Variants in ELP4 observed in about 807,000 individuals in gnomAD.
ELP4 encodes elongator complex protein 4.
In ELP4, 51 loss-of-function variants were observed where a neutral mutation model predicts 48.9. The observed-to-expected ratio is 1.04, with a 90% CI of 0.83 to 1.32. The LOEUF is 1.32. Ranked by LOEUF, ELP4 falls within the 40% of genes most tolerant of loss-of-function variation. The pLI, the probability that ELP4 is intolerant of heterozygous loss-of-function variation, is 0.00. For missense variants in ELP4, 519 were observed against 514.6 expected, an observed-to-expected ratio of 1.01 and a Z score of -0.08; for synonymous variants, 210 against 189.2, an observed-to-expected ratio of 1.11 and a Z score of -0.90.
At position 31,562,714 on chromosome 11, in the gene ELP4, G is replaced by A. The variant is rs78358688; in HGVS notation, c.381+22931G>A. Among the ~76,000 whole-genome samples the A allele has an allele frequency of 8.0e-3, 1,223 of 152,094 alleles. 35 individuals are homozygous for A. The highest frequency in any genetic ancestry group is 0.061 in the Admixed American group (934 of 15,242). On this transcript the variant is annotated intron_variant, in intron 3 of 9. Coordinates refer to ENST00000640961, the MANE Select transcript of ELP4 (RefSeq NM_019040.5). ...CACTAAGATATTATCTGATCTGTAT[G>A]GAATTTAGTTGAAGTATGCGTGGAA...
At chr11:31,700,424 A>C (rs1489127375) in intron 9 of ELP4, among the ~76,000 whole-genome samples, 1 of 152,118 alleles carries the variant, frequency 6.6e-6, no homozygotes. Context: ...TAATATGAGT[A>C]GTCACAGTAA....
At chr11:31,579,572 A>C (rs1179580452) in intron 3 of ELP4, among the ~76,000 whole-genome samples, 1 of 152,134 alleles carries the variant, frequency 6.6e-6, no homozygotes, top group Non-Finnish European at 1.5e-5. Flanking sequence ...TAAGAAAATG[A>C]GGCACATATA....
At chr11:31,568,649 G>C (rs1957149543) in intron 3 of ELP4, among the ~76,000 whole-genome samples, 1 of 152,184 alleles carries the variant, frequency 6.6e-6, no homozygotes, top group East Asian at 1.9e-4. Context: ...TCTGATCTTT[G>C]ACAAAGTAGA....
chr11:31,726,452 T>C (rs1947077024), intron 9 of ELP4, among the ~76,000 whole-genome samples: 1 of 152,176 alleles, frequency 6.6e-6, no homozygotes, highest in South Asian at 2.1e-4. Context: ...ATTGGGATCA[T>C]TTGTGATTTT....
chr11:31,682,499 A>C (rs1946074575), intron 9 of ELP4, among the ~76,000 whole-genome samples: 1 of 152,204 alleles, frequency 6.6e-6, no homozygotes, highest in Non-Finnish European at 1.5e-5. Context: ...CAGTTGCATC[A>C]TAAATTGACC....
In ELP4 at chr11:31,632,244, G is replaced by A. The variant is rs754009649; in HGVS notation, c.766G>A (p.Gly256Arg). ...AAAACAGAGAAACATTTTAAGAATA[G>A]GAATTCAGAATCTTGGCTCACCTTT... ...QKKQRNILRI[G>R]IQNLGSPLWG... The change falls in exon 7 of 10, where the codon GGA (glycine) becomes AGA (arginine). Residue 256 changes from glycine (G) to arginine (R), a missense_variant. Coordinates refer to ENST00000640961, the MANE Select transcript of ELP4 (RefSeq NM_019040.5). 78 of 1,602,676 alleles carry A rather than the reference G, an allele frequency of 4.9e-5. No individual in the cohort carries two copies. The highest frequency in any genetic ancestry group is 6.6e-5 in the Non-Finnish European group (78 of 1,176,812).
chr11:31,635,952 A>G (rs573389126), intron 7 of ELP4, among the ~76,000 whole-genome samples: 5 of 152,110 alleles, frequency 3.3e-5, no homozygotes, highest in African/African-American at 9.6e-5. Context: ...TCCAAATATT[A>G]GTAGCATCAC....
chr11:31,767,645 C>A (rs1390527838), intron 9 of ELP4: 2 of 151,984 alleles, frequency 1.3e-5, no homozygotes, highest in Non-Finnish European at 2.9e-5. Context: ...AAATACTTTT[C>A]TTTTTTCTGA....
At chr11:31,564,645 T>A (rs1957076569) in intron 3 of ELP4, among the ~76,000 whole-genome samples, 1 of 152,214 alleles carries the variant, frequency 6.6e-6, no homozygotes, top group Admixed American at 6.5e-5. Context: ...TTTTTGTCCC[T>A]ACGATAGTTT....
At chr11:31,670,972 A>T (rs191427105) in intron 9 of ELP4, among the ~76,000 whole-genome samples, 1 of 151,718 alleles carries the variant, frequency 6.6e-6, no homozygotes, top group African/African-American at 2.4e-5. Context: ...AGGAAACATT[A>T]AAAAAAAGTG....
rs141365629 is a variant in ELP4 at position 31,781,488 on chromosome 11, C to CT, written c.1144-1875dup. ...ATACCTGCCTTTTGGATTCCTGAGC[C>CT]TTTTTTTTTTTTTTTTTTTTTTTTT... On this transcript the variant is annotated intron_variant, in intron 9 of 9. Coordinates refer to ENST00000640961, the MANE Select transcript of ELP4 (RefSeq NM_019040.5). Among the ~76,000 whole-genome samples, 661 of 67,450 alleles carry CT rather than the reference C, an allele frequency of 9.8e-3. 124 individuals are homozygous for CT. The highest frequency in any genetic ancestry group is 0.029 in the African/African-American group (414 of 14,228). The allele number at this position is 67,450 out of a possible 152,430, so 44.2% of individuals were successfully genotyped here.
intron 4 of ELP4, 62 bp from the exon 5 acceptor site, chr11:31,603,706 G>A: frequency 6.4e-7 from 1 of 1,551,522 alleles, no homozygotes; most frequent in Non-Finnish European, 8.8e-7. Flanking sequence ...CTGGATGTAG[G>A]ACAAATAAAT....
rs1164668757 is a variant in ELP4 at position 31,604,258 on chromosome 11, GATA to G, written c.653+358_653+360del. On this transcript the variant is annotated intron_variant, in intron 5 of 9. Coordinates refer to ENST00000640961, the MANE Select transcript of ELP4 (RefSeq NM_019040.5). ...AATAGACACCTAATAAATATGTATT[GATA>G]ATAATAGCAATGAAAATGATACAAA... 2.6e-5 allele frequency among the ~76,000 whole-genome samples: 4 copies of G among 151,828 alleles called. No individual in the cohort carries two copies. The East Asian group carries it at 5.8e-4, about 22-fold the overall frequency.
chr11:31,771,396 A>T lies in ELP4; in HGVS notation c.1144-11997A>T, dbSNP rs1592297197. On this transcript the variant is annotated intron_variant, in intron 9 of 9. Coordinates refer to ENST00000640961, the MANE Select transcript of ELP4 (RefSeq NM_019040.5). ...ATGACTTTGTAAGGATGTGGGTAAG[A>T]TGGCCCTGGTATTCATAGAAATAAG... Among the ~76,000 whole-genome samples the T allele has an allele frequency of 2.0e-5, 3 of 152,308 alleles. No homozygotes were observed. In the South Asian group the frequency reaches 6.2e-4, roughly 32 times the overall value.
chr11:31,632,556 G>A lies in ELP4; in HGVS notation c.927+151G>A. The A allele has an allele frequency of 5.6e-6, 3 of 537,542 alleles. No homozygotes were observed. In the South Asian group the frequency reaches 1.4e-4, roughly 25 times the overall value. 33.3% of individuals were successfully genotyped at this position (537,542 alleles called of 1,614,324 possible). On this transcript the variant is annotated intron_variant, in intron 7 of 9. Coordinates refer to ENST00000640961, the MANE Select transcript of ELP4 (RefSeq NM_019040.5). Reference sequence around the variant, plus strand: ...GCATGTCTTCTTTTGTCTGTCTTTTGTCCATTTTTTTATTGATAGTCTCAT... The same window carrying A: ...GCATGTCTTCTTTTGTCTGTCTTTTATCCATTTTTTTATTGATAGTCTCAT...
At chr11:31,561,468 G>A (rs1405159187) in intron 3 of ELP4, among the ~76,000 whole-genome samples, 1 of 151,854 alleles carries the variant, frequency 6.6e-6, no homozygotes, top group Non-Finnish European at 1.5e-5. Context: ...TTGAGATGGA[G>A]TATCGCTCTG....
chr11:31,575,413 A>T (rs1445264801), intron 3 of ELP4, among the ~76,000 whole-genome samples: 1 of 152,174 alleles, frequency 6.6e-6, no homozygotes, highest in African/African-American at 2.4e-5. Flanking sequence ...AGGCAGGCCA[A>T]CATTCAAATT....
intron 9 of ELP4, among the ~76,000 whole-genome samples, chr11:31,778,064 G>A (rs543223575): frequency 3.0e-4 from 46 of 152,176 alleles, no homozygotes; most frequent in South Asian, 6.2e-4. Context: ...GGGGGGATAT[G>A]CTTTTAAAAC....
At chr11:31,630,355 GTC>G (rs1425592591) in intron 6 of ELP4, among the ~76,000 whole-genome samples, 4 of 145,780 alleles carry the variant, frequency 2.7e-5, no homozygotes, top group Non-Finnish European at 6.0e-5. Context: ...TTTTAATGGA[GTC>G]TCACTCTGTC....
Sources: gnomAD v4.1 joint callset for allele counts (sites outside exome capture counted in the v4.1 genomes callset) on GRCh38, gnomAD v4.1.1 for gene constraint, MANE v1.5 for transcripts, NCBI Gene and HGNC (gene_info 2026-07-23, HGNC 2026-07-21) for gene names.